Variants in KIF9 observed in about 807,000 individuals in gnomAD.
KIF9 encodes kinesin family member 9.
In KIF9, 68 loss-of-function variants were observed where a neutral mutation model predicts 94.8. The ratio of observed to expected loss-of-function variants is 0.72; its 90% CI spans 0.59 to 0.88. KIF9 has a LOEUF of 0.88. Ranked by LOEUF, KIF9 falls within the 40% of genes least tolerant of loss-of-function variation. The pLI, the probability that KIF9 is intolerant of heterozygous loss-of-function variation, is 0.00. For synonymous variants in KIF9, 343 were observed against 362.1 expected (o/e 0.95, Z 0.60); for missense variants, 882 against 982.5 (o/e 0.90, Z 1.37).
intron 20 of KIF9, among the ~76,000 whole-genome samples, chr3:47,230,745 A>G (rs898822875): frequency 2.4e-4 from 37 of 151,158 alleles, no homozygotes; most frequent in African/African-American, 8.3e-4. Flanking sequence ...GGGAAAAAAA[A>G]AGAAGTTACC....
At chr3:47,265,437 A>C (rs1476314409) in intron 8 of KIF9, among the ~76,000 whole-genome samples, 1 of 152,218 alleles carries the variant, frequency 6.6e-6, no homozygotes, top group Non-Finnish European at 1.5e-5. Flanking sequence ...CCAAGTCTTC[A>C]GGCTGTGAAG....
At chr3:47,273,485 G>T in intron 4 of KIF9, 67 bp downstream of exon 4, 2 of 1,265,954 alleles carry the variant, frequency 1.6e-6, no homozygotes, top group South Asian at 1.4e-5. Context: ...GCTGGCCCAG[G>T]GTCAGTAACA....
At position 47,273,584 on chromosome 3, in the gene KIF9, G is replaced by T; in HGVS notation, c.334C>A (p.His112Asn). Residue 112 changes from histidine (H) to asparagine (N), a missense_variant, in exon 4 of 21, where the codon CAC becomes AAC. Physicochemically the swap from His to Asn is moderately conservative, Grantham distance 68. Coordinates refer to ENST00000684063, the MANE Select transcript of KIF9 (RefSeq NM_182902.4). ...AGGGCACGAGGGAGGATCCCCCGGT[G>T]CTTGTAATTCTCAGTTGCCCCCATC... Reference protein sequence around the residue: ...TMMGATENYKHRGILPRALQQ... With the variant: ...TMMGATENYKNRGILPRALQQ... The T allele has an allele frequency of 5.6e-6, 9 of 1,612,724 alleles. No individual in the cohort carries two copies. The highest frequency in any genetic ancestry group is 7.6e-6 in the Non-Finnish European group (9 of 1,179,192).
At chr3:47,256,617 C>T (rs1283428318) in intron 10 of KIF9, among the ~76,000 whole-genome samples, 6 of 151,644 alleles carry the variant, frequency 4.0e-5, no homozygotes, top group African/African-American at 4.8e-5. Flanking sequence ...CCCCTCTGCC[C>T]GGCCACCACC....
intron 9 of KIF9, among the ~76,000 whole-genome samples, chr3:47,260,444 C>T (rs926543055): frequency 7.2e-5 from 11 of 152,158 alleles, no homozygotes; most frequent in Non-Finnish European, 1.3e-4. Context: ...TTTTCCAAAT[C>T]TCTCGTCCCA....
Position 47,247,409 on chromosome 3 carries a change from C to T in KIF9, c.1197G>A (p.Val399=), listed in dbSNP as rs1251385679. ...CCAGTGTCCCCTCCAGGTACCTCCG[C>T]ACCTGGGAGTTGATCTCAGCAATCT... ...EIQIAEINSQ[V]RRYLEGTLDE... The change falls in exon 12 of 21, where the codon GTG becomes GTA. Residue 399 remains valine (V), a synonymous_variant. Coordinates refer to ENST00000684063, the MANE Select transcript of KIF9 (RefSeq NM_182902.4). The T allele has an allele frequency of 1.2e-6, 2 of 1,613,650 alleles. No individual in the cohort carries two copies. Among genetic ancestry groups the T allele is most frequent in the East Asian group, 2.2e-5 (1 of 44,876 alleles).
At position 47,241,882 on chromosome 3, in the gene KIF9, ATATTTT is replaced by A. The variant is rs1158327406; in HGVS notation, c.1710-873_1710-868del. Among the ~76,000 whole-genome samples the A allele has an allele frequency of 3.9e-3, 383 of 97,280 alleles. 3 individuals are homozygous for A. The highest frequency in any genetic ancestry group is 0.016 in the East Asian group (61 of 3,770). The allele number at this position is 97,280 out of a possible 152,430, so 63.8% of individuals were successfully genotyped here. A position where few individuals can be genotyped will look rare whatever the true frequency, so the allele number is the denominator to read the frequency against. On this transcript the variant is annotated intron_variant, in intron 16 of 20. Transcript: ENST00000684063. ...TATATACACATATATATATATATATATATTTTTTTTTTTTTTTCTTTGGAGACAGCA... is the reference window on the plus strand; with the variant it reads ...TATATACACATATATATATATATATATTTTTTTTTTTCTTTGGAGACAGCA...
chr3:47,241,778 CAT>C (rs1178559488), intron 16 of KIF9, among the ~76,000 whole-genome samples: 20 of 128,772 alleles, frequency 1.6e-4, no homozygotes, highest in African/African-American at 3.6e-4. Flanking sequence ...CGTATATATA[CAT>C]GTATATACGT....
At chr3:47,236,717 T>G in intron 17 of KIF9, 98 bp from the exon 18 acceptor site, 1 of 1,088,890 alleles carries the variant, frequency 9.2e-7, no homozygotes, top group Non-Finnish European at 1.4e-6. Flanking sequence ...TGGCAAATCA[T>G]GAAGACAGGA....
intron 9 of KIF9, among the ~76,000 whole-genome samples, chr3:47,257,811 C>T (rs527687476): frequency 1.7e-4 from 26 of 152,286 alleles, no homozygotes; most frequent in Middle Eastern, 3.4e-3. Flanking sequence ...TGTGAGGATG[C>T]GCACTGGTCT....
chr3:47,236,385 GC>G (rs760741632), intron 18 of KIF9, 57 bp downstream of exon 18: 7 of 1,571,166 alleles, frequency 4.5e-6, no homozygotes, highest in Admixed American at 3.4e-5. Context: ...TCAGGCTGTG[GC>G]CTCTCCCTGA....
rs544829584 is a variant in KIF9, at chr3:47,278,035, T to C, written c.-5-656A>G. ...GTATGCGTGTGCATATACATATATATAGTAGTATAAATAAAGGAAGACATA... is the reference window on the plus strand; with the variant it reads ...GTATGCGTGTGCATATACATATATACAGTAGTATAAATAAAGGAAGACATA... On this transcript the variant is annotated intron_variant, in intron 1 of 20. Coordinates refer to ENST00000684063, the MANE Select transcript of KIF9 (RefSeq NM_182902.4). Among the ~76,000 whole-genome samples the C allele has an allele frequency of 3.3e-5, 5 of 152,186 alleles. No individual in the cohort carries two copies. The South Asian group carries it at 8.3e-4, about 25-fold the overall frequency.
At chr3:47,244,677 T>G in intron 15 of KIF9, 114 bp downstream of exon 15, 1 of 1,340,902 alleles carries the variant, frequency 7.5e-7, no homozygotes, top group African/African-American at 1.4e-5. Flanking sequence ...TGACGTCCAT[T>G]GTGCCAACCC....
At chr3:47,268,017 G>A (rs897480123) in intron 5 of KIF9, among the ~76,000 whole-genome samples, 1 of 151,392 alleles carries the variant, frequency 6.6e-6, no homozygotes, top group African/African-American at 2.4e-5. Flanking sequence ...GACTACCAGC[G>A]TGCACTACCA....
chr3:47,229,614 T>C (rs1488624023), intron 20 of KIF9, among the ~76,000 whole-genome samples: 1 of 152,158 alleles, frequency 6.6e-6, no homozygotes, highest in Non-Finnish European at 1.5e-5. Flanking sequence ...GCATAAAAAG[T>C]CTGTGCATGG....
At chr3:47,277,142 G>T in intron 2 of KIF9, 140 bp downstream of exon 2, 1 of 470,630 alleles carries the variant, frequency 2.1e-6, no homozygotes. Flanking sequence ...GGGGTGGTTT[G>T]GATTTGATGG....
At chr3:47,253,569 C>G (rs1700400564) in intron 10 of KIF9, among the ~76,000 whole-genome samples, 1 of 152,102 alleles carries the variant, frequency 6.6e-6, no homozygotes. Flanking sequence ...TGGCCTCAGT[C>G]TGGTTTTTTC....
chr3:47,247,372 C>T lies in KIF9; in HGVS notation c.1233+1G>A. The T allele has an allele frequency of 2.5e-6, 4 of 1,607,642 alleles. No homozygotes were observed. The highest frequency in any genetic ancestry group is 1.1e-5 in the South Asian group (1 of 90,914). ...ATAGTGGTCACAGAGGGGTTCCTTA[C>T]GTCGATCTCGTCCAGTGTCCCCTCC... is the stretch of plus-strand genomic sequence containing the variant. On this transcript the variant is annotated splice_donor_variant, in intron 12 of 20. Coordinates refer to ENST00000684063, the MANE Select transcript of KIF9 (RefSeq NM_182902.4). LOFTEE classifies it high-confidence loss of function.
intron 10 of KIF9, among the ~76,000 whole-genome samples, chr3:47,253,234 C>T (rs913364759): frequency 1.3e-5 from 2 of 152,096 alleles, no homozygotes; most frequent in Non-Finnish European, 2.9e-5. Context: ...CCACTCATTG[C>T]AACCACTGCC....
Sources: allele counts gnomAD v4.1 joint callset (sites outside exome capture counted in the v4.1 genomes callset), GRCh38; gene constraint gnomAD v4.1.1; transcripts MANE v1.5; gene names NCBI Gene and HGNC (gene_info 2026-07-23, HGNC 2026-07-21).